Variants in NAV1 observed in about 807,000 individuals in gnomAD.
NAV1 encodes the protein neuron navigator 1.
In NAV1, 18 loss-of-function variants were observed where a neutral mutation model predicts 175.2. That is an observed-to-expected ratio of 0.10 (90% CI 0.07 to 0.15). The LOEUF is 0.15. Among genes scored for constraint, NAV1 ranks in the 10% least tolerant of loss-of-function variants. NAV1 has a pLI of 1.00. For missense variants in NAV1, 1,731 were observed against 2,436.6 expected (o/e 0.71, Z 6.10); for synonymous variants, 897 against 978.7 (o/e 0.92, Z 1.56).
chr1:201,798,868 A>G (rs1677645497), intron 15 of NAV1, among the ~76,000 whole-genome samples: 1 of 151,660 alleles, frequency 6.6e-6, no homozygotes, highest in Admixed American at 6.6e-5. Context: ...ATGCCTGGCT[A>G]ATTTTTGTAT....
chr1:201,592,557 T>A (rs1006810064), intron 2 of NAV1, among the ~76,000 whole-genome samples: 1 of 152,056 alleles, frequency 6.6e-6, no homozygotes, highest in South Asian at 2.1e-4. Context: ...ACTTATTCCA[T>A]GTAAGGTGGA....
intron 8 of NAV1, among the ~76,000 whole-genome samples, chr1:201,785,579 A>G (rs1676681514): frequency 6.6e-6 from 1 of 152,072 alleles, no homozygotes; most frequent in South Asian, 2.1e-4. Flanking sequence ...GGGAGAAACA[A>G]GTTTGCACAT....
chr1:201,697,334 G>T (rs1312536287), intron 1 of NAV1, among the ~76,000 whole-genome samples: 2 of 152,192 alleles, frequency 1.3e-5, no homozygotes, highest in Non-Finnish European at 2.9e-5. Flanking sequence ...GCCAGGCAGG[G>T]TGGATGTCAG....
intron 1 of NAV1, among the ~76,000 whole-genome samples, chr1:201,701,693 T>TTCA (rs1671433276): frequency 6.6e-6 from 1 of 152,236 alleles, no homozygotes; most frequent in African/African-American, 2.4e-5. Context: ...GAGATACCAC[T>TTCA]TCATACCCAC....
exon 30 of NAV1, chr1:201,823,878 G>A (rs750570019): frequency 9.9e-5 from 15 of 152,098 alleles, no homozygotes; most frequent in Non-Finnish European, 1.8e-4. Context: ...ATTTCCTAAA[G>A]TATTCTAAAA....
At chr1:201,588,300 G>T (rs780240090) in intron 1 of NAV1, among the ~76,000 whole-genome samples, 2 of 152,180 alleles carry the variant, frequency 1.3e-5, no homozygotes, top group Non-Finnish European at 2.9e-5. Context: ...AGTGAAAAAA[G>T]CCATACACAA....
chr1:201,650,945 G>T (rs1263841578), intron 1 of NAV1, among the ~76,000 whole-genome samples: 1 of 152,194 alleles, frequency 6.6e-6, no homozygotes, highest in African/African-American at 2.4e-5. Flanking sequence ...GTGGGGCTGA[G>T]CCTGTCAAAG....
chr1:201,614,736 G>A (rs913228513), intron 2 of NAV1, among the ~76,000 whole-genome samples: 1 of 152,214 alleles, frequency 6.6e-6, no homozygotes, highest in Non-Finnish European at 1.5e-5. Flanking sequence ...CCTGGATTTA[G>A]GCTGTGAAGT....
At chr1:201,764,279 C>T (rs1438020078) in intron 3 of NAV1, among the ~76,000 whole-genome samples, 1 of 152,164 alleles carries the variant, frequency 6.6e-6, no homozygotes, top group East Asian at 1.9e-4. Flanking sequence ...TACCACAGGG[C>T]AGGTGGCTTA....
At chr1:201,751,224 T>C (rs1225366750) in intron 3 of NAV1, among the ~76,000 whole-genome samples, 1 of 152,210 alleles carries the variant, frequency 6.6e-6, no homozygotes, top group African/African-American at 2.4e-5. Context: ...GCAAGAGGCA[T>C]CTTGACGAAA....
At chr1:201,640,420 T>C (rs1220169233) in intron 2 of NAV1, among the ~76,000 whole-genome samples, 1 of 152,190 alleles carries the variant, frequency 6.6e-6, no homozygotes, top group East Asian at 1.9e-4. Context: ...TCCTTTTTTT[T>C]CAGCAAGTGG....
intron 2 of NAV1, 79 bp downstream of exon 4, chr1:201,629,586 C>T: frequency 1.0e-6 from 1 of 963,310 alleles, no homozygotes; most frequent in Non-Finnish European, 1.4e-6. Flanking sequence ...GAAGAAGTGA[C>T]CTAGGCTGGA....
chr1:201,723,475 A>C (rs962590582), intron 3 of NAV1: 1 of 152,150 alleles, frequency 6.6e-6, no homozygotes, highest in Non-Finnish European at 1.5e-5. Flanking sequence ...TTTGTTGGCT[A>C]TGCTTTGAGT....
chr1:201,696,888 T>A (rs1671215505), intron 1 of NAV1, among the ~76,000 whole-genome samples: 1 of 152,254 alleles, frequency 6.6e-6, no homozygotes, highest in Non-Finnish European at 1.5e-5. Flanking sequence ...TACATATTCG[T>A]GTTTCGCACC....
At chr1:201,698,383 A>G (rs901044190) in intron 1 of NAV1, among the ~76,000 whole-genome samples, 1 of 152,214 alleles carries the variant, frequency 6.6e-6, no homozygotes, top group Non-Finnish European at 1.5e-5. Context: ...CCCCTATTGT[A>G]TGGGTGGACT....
At position 201,740,246 on chromosome 1, in the gene NAV1, C is replaced by G. The variant is rs1452245282; in HGVS notation, c.1226+21491C>G. ...GTCTTGGCCGCGCTCGCTTTTCCGC[C>G]AGAGAGGAGTGCCTGCGCCGCCGGA... On this transcript the variant is annotated intron_variant, in intron 3 of 29. Coordinates refer to ENST00000367296, the Ensembl canonical transcript of NAV1. This position sits in a 1 kb window ranked among gnomAD's most constrained non-coding sequence, Gnocchi z 4.7. Among the ~76,000 whole-genome samples, 3 of 152,210 alleles carry G rather than the reference C, an allele frequency of 2.0e-5. No individual in the cohort carries two copies. Among genetic ancestry groups the G allele is most frequent in the Non-Finnish European group, 4.4e-5 (3 of 68,046 alleles).
intron 28 of NAV1, among the ~76,000 whole-genome samples, chr1:201,814,551 G>T (rs1355515308): frequency 6.6e-6 from 1 of 152,078 alleles, no homozygotes; most frequent in East Asian, 1.9e-4. Flanking sequence ...TATATTATCT[G>T]TAAAAGTAAC....
chr1:201,723,473 C>T (rs1672475626), intron 3 of NAV1: 1 of 152,194 alleles, frequency 6.6e-6, no homozygotes, highest in Non-Finnish European at 1.5e-5. Flanking sequence ...CTTTTGTTGG[C>T]TATGCTTTGA....
intron 3 of NAV1, chr1:201,723,920 C>T (rs1405189315): frequency 6.6e-6 from 1 of 152,188 alleles, no homozygotes; most frequent in African/African-American, 2.4e-5. Flanking sequence ...TCAACATGTT[C>T]TTAATATAGC....
Sources: allele counts gnomAD v4.1 joint callset (sites outside exome capture counted in the v4.1 genomes callset), GRCh38; gene constraint gnomAD v4.1.1; non-coding constraint Gnocchi (gnomAD v3.1); transcripts MANE v1.5; gene names NCBI Gene and HGNC (gene_info 2026-07-23, HGNC 2026-07-21).